The following CHD7 variants were observed in gnomAD, a reference collection of about 807,000 sequenced individuals.
CHD7 encodes ATP-dependent chromatin remodeler CHD7.
CHD7 carries 24 observed loss-of-function variants against 307.3 expected under a neutral mutation model. That is an observed-to-expected ratio of 0.08 (90% CI 0.06 to 0.11). The LOEUF (loss-of-function observed/expected upper bound fraction) is 0.11, where lower values mean the gene tolerates loss of function less well. Among genes scored for constraint, CHD7 ranks in the 10% least tolerant of loss-of-function variants. The pLI is 1.00. For synonymous variants in CHD7, 1,363 were observed against 1,349.9 expected (o/e 1.01, Z -0.21); for missense variants, 3,106 against 3,727.1 (o/e 0.83, Z 4.34).
Position 60,852,246 on chromosome 8 carries a change from A to C in CHD7, c.5893A>C (p.Lys1965Gln). The change falls in exon 29 of 38, where the codon AAG becomes CAG. Residue 1965 changes from lysine to glutamine, a missense_variant and splice_region_variant. By Grantham distance (53) the Lys-to-Gln change is moderately conservative (BLOSUM62 1). This residue lies in a region of CHD7 where 1,030 missense variants were observed against 1,165.4 expected (regional missense o/e 0.88). Transcript: ENST00000423902. ...AGCTATTATATCTGAGAAGCGGCAAAAGTGAGTTTCTTCAAGGTTTCCACT... is the reference window on the plus strand; with the variant it reads ...AGCTATTATATCTGAGAAGCGGCAACAGTGAGTTTCTTCAAGGTTTCCACT... ...REAIISEKRQ[K>Q]WTRREEADFY... 1 of 1,611,506 alleles carries C rather than the reference A, an allele frequency of 6.2e-7. No individual in the cohort carries two copies.
chr8:60,730,656 C>G (rs1455703165), intron 1 of CHD7, among the ~76,000 whole-genome samples: 1 of 152,108 alleles, frequency 6.6e-6, no homozygotes, highest in East Asian at 1.9e-4. Flanking sequence ...GTCAGGAGAT[C>G]AAGACCATCC....
At chr8:60,864,741 C>T (rs1386621567) in intron 37 of CHD7, 12 of 437,816 alleles carry the variant, frequency 2.7e-5, no homozygotes, top group African/African-American at 2.2e-4. Flanking sequence ...AATGTACTTT[C>T]TGATGTATGA....
Position 60,850,541 on chromosome 8 carries a change from T to A in CHD7, c.5453T>A (p.Leu1818Gln). The change falls in exon 26 of 38, where the codon CTG becomes CAG. Residue 1818 changes from leucine (L) to glutamine (Q), a missense_variant. Physicochemically the swap from Leu to Gln is moderately radical, Grantham distance 113. Coordinates refer to ENST00000423902, the MANE Select transcript of CHD7 (RefSeq NM_017780.4). ...SMRADPALCF[L>Q]ERVGMPDAKA... ...CGAGCTGACCCCGCGCTGTGCTTTC[T>A]GGAACGAGTCGGTATGCCTGATGCC... 1.2e-6 allele frequency: 2 copies of A among 1,613,616 alleles called. No individual in the cohort carries two copies. The highest frequency in any genetic ancestry group is 1.7e-6 in the Non-Finnish European group (2 of 1,179,728).
intron 2 of CHD7, among the ~76,000 whole-genome samples, chr8:60,764,179 C>T (rs528683615): frequency 2.6e-5 from 4 of 151,982 alleles, no homozygotes; most frequent in African/African-American, 7.2e-5. Flanking sequence ...TTAGTAGAGA[C>T]GGGGTTTCAC....
At chr8:60,729,327 CTTTA>C (rs1354060902) in intron 1 of CHD7, among the ~76,000 whole-genome samples, 2 of 152,010 alleles carry the variant, frequency 1.3e-5, no homozygotes, top group Non-Finnish European at 2.9e-5. Flanking sequence ...TTTGCCAAAC[CTTTA>C]TTTATATTCT....
intron 1 of CHD7, among the ~76,000 whole-genome samples, chr8:60,684,127 A>G (rs1586157276): frequency 1.3e-5 from 2 of 152,184 alleles, no homozygotes; most frequent in East Asian, 3.8e-4. Flanking sequence ...TGAAAATTAG[A>G]AATGTCTTTT....
intron 1 of CHD7, among the ~76,000 whole-genome samples, chr8:60,740,988 C>T (rs921120613): frequency 3.9e-4 from 59 of 152,170 alleles, no homozygotes; most frequent in Non-Finnish European, 1.2e-4. Context: ...AAGAATGGAA[C>T]GCTAGGAAGT....
chr8:60,850,960 T>G, intron 26 of CHD7, 72 bp from the exon 27 acceptor site: 1 of 1,097,276 alleles, frequency 9.1e-7, no homozygotes. Flanking sequence ...TTATTACTCT[T>G]TCCTACCCAC....
Position 60,865,112 on chromosome 8 carries a change from A to G in CHD7, c.8173A>G (p.Ile2725Val), listed in dbSNP as rs113877656. 2.5e-6 allele frequency: 4 copies of G among 1,611,038 alleles called. No homozygotes were observed. ...SRRGRRPKSE[I>V]ARAAAAAAAV... ...AAGAGGAAGAAGGCCCAAAAGTGAG[A>G]TCGCCAGAGCAGCCGCGGCCGCCGC... Residue 2725 changes from isoleucine to valine, a missense_variant, in exon 38 of 38, where the codon ATC becomes GTC. Coordinates refer to ENST00000423902, the MANE Select transcript of CHD7 (RefSeq NM_017780.4). The surrounding 1 kb of genome is among the most constrained non-coding windows in gnomAD (Gnocchi z 4.3).
At chr8:60,748,861 A>T (rs1480022319) in intron 2 of CHD7, among the ~76,000 whole-genome samples, 1 of 152,122 alleles carries the variant, frequency 6.6e-6, no homozygotes, top group Non-Finnish European at 1.5e-5. Flanking sequence ...CATGAAACGG[A>T]AGTAGAAAAA....
chr8:60,815,005 T>G (rs1235962391), intron 7 of CHD7, among the ~76,000 whole-genome samples: 2 of 152,234 alleles, frequency 1.3e-5, no homozygotes, highest in Non-Finnish European at 2.9e-5. Context: ...TTTTAGAGCA[T>G]TTTGAATTTC....
chr8:60,837,643 A>G, intron 17 of CHD7, 25 bp from the exon 18 acceptor site: 1 of 1,515,938 alleles, frequency 6.6e-7, no homozygotes, highest in Non-Finnish European at 8.9e-7. Context: ...CATTGCAGTA[A>G]CTATTAATTT....
At chr8:60,799,439 A>G (rs1391964253) in intron 4 of CHD7, among the ~76,000 whole-genome samples, 1 of 152,252 alleles carries the variant, frequency 6.6e-6, no homozygotes, top group Non-Finnish European at 1.5e-5. Flanking sequence ...CCACTATGGT[A>G]AAAACATTAT....
chr8:60,801,833 A>T (rs951624547), intron 6 of CHD7, among the ~76,000 whole-genome samples: 1 of 152,226 alleles, frequency 6.6e-6, no homozygotes, highest in African/African-American at 2.4e-5. Context: ...AGAAACTCAC[A>T]AGTCTCCAAA....
rs764974536 is a variant in CHD7 at position 60,856,471 on chromosome 8, T to C, written c.7191T>C (p.Pro2397=). ...SKEDALNLSV[P]RQRRRRRRKI... is the part of the protein sequence containing the mutation. ...AAGATGCCCTCAACCTCTCTGTCCCTCGCCAGCGGAGGAGGAGGAGGAGAA... is the reference window on the plus strand; with the variant it reads ...AAGATGCCCTCAACCTCTCTGTCCCCCGCCAGCGGAGGAGGAGGAGGAGAA... Residue 2397 remains proline, a synonymous_variant, in exon 34 of 38, where the codon CCT becomes CCC. Transcript: ENST00000423902. The C allele has an allele frequency of 3.1e-6, 5 of 1,613,134 alleles. No individual in the cohort carries two copies. The highest frequency in any genetic ancestry group is 4.2e-6 in the Non-Finnish European group (5 of 1,179,512).
Position 60,761,373 on chromosome 8 carries a change from G to A in CHD7, c.1665+18276G>A, listed in dbSNP as rs920874211. Among the ~76,000 whole-genome samples the A allele has an allele frequency of 1.1e-3, 171 of 150,714 alleles. 1 individual carries two copies. Among genetic ancestry groups the A allele is most frequent in the Middle Eastern group, 3.4e-3 (1 of 294 alleles). ...GGGGGGAGGGGGGAGGGATAGCACT[G>A]GGAGATATACCTAATGCTAAATGAC... On this transcript the variant is annotated intron_variant, in intron 2 of 37. Coordinates refer to ENST00000423902, the MANE Select transcript of CHD7 (RefSeq NM_017780.4).
chr8:60,811,515 T>G (rs1812805480), intron 7 of CHD7, among the ~76,000 whole-genome samples: 1 of 152,252 alleles, frequency 6.6e-6, no homozygotes, highest in African/African-American at 2.4e-5. Flanking sequence ...TCCTCATTCT[T>G]TGTTTCAGCT....
In CHD7 at chr8:60,741,706, A is replaced by G; in HGVS notation, c.274A>G (p.Asn92Asp). 6.2e-7 allele frequency: 1 copy of G among 1,614,012 alleles called. No homozygotes were observed. The highest frequency in any genetic ancestry group is 1.1e-5 in the South Asian group (1 of 91,074). Residue 92 changes from asparagine to aspartate, a missense_variant, in exon 2 of 38, where the codon AAC (asparagine) becomes GAC (aspartate). Around this residue, in one of 10 missense-constraint regions of CHD7, gnomAD observed 998 missense variants for 1,004.5 expected, o/e 0.99. Transcript: ENST00000423902. ...GGATCAGCCGAACAGAATGATGAGC[A>G]ACACCCCTGGGAACGGACTCGCGTC... ...LMDQPNRMMS[N>D]TPGNGLASPH...
rs146139425 is a variant in CHD7 at position 60,794,624 on chromosome 8, C to T, written c.2097-362C>T. On this transcript the variant is annotated intron_variant, in intron 3 of 37. Transcript: ENST00000423902. Reference sequence around the variant, plus strand: ...AGGCACAAAGAGAAGATCATGATATCGTTTTTCATGACAATTAAAAAAAAG... The same window carrying T: ...AGGCACAAAGAGAAGATCATGATATTGTTTTTCATGACAATTAAAAAAAAG... Among the ~76,000 whole-genome samples the T allele has an allele frequency of 8.0e-4, 121 of 152,092 alleles. 1 individual carries two copies. In the East Asian group the frequency reaches 0.018, roughly 23 times the overall value.
Sources: allele counts gnomAD v4.1 joint callset (sites outside exome capture counted in the v4.1 genomes callset), GRCh38; gene constraint gnomAD v4.1.1; regional missense constraint gnomAD v4.1.1; non-coding constraint Gnocchi (gnomAD v3.1); transcripts MANE v1.5; gene names NCBI Gene and HGNC (gene_info 2026-07-23, HGNC 2026-07-21).